Variants in OLFM1 observed in about 807,000 individuals in gnomAD.
OLFM1 encodes the protein olfactomedin 1.
OLFM1 carries 9 observed loss-of-function variants against 49.7 expected under a neutral mutation model. The ratio of observed to expected loss-of-function variants is 0.18; its 90% confidence interval spans 0.11 to 0.32. OLFM1 has a LOEUF of 0.32. Among genes scored for constraint, OLFM1 ranks in the 10% least tolerant of loss-of-function variants. The pLI, the probability that OLFM1 is intolerant of heterozygous loss-of-function variation, is 1.00. For missense variants in OLFM1, 369 were observed against 661.8 expected, an observed-to-expected ratio of 0.56 and a Z score of 4.85; for synonymous variants, 240 against 271.8, an observed-to-expected ratio of 0.88 and a Z score of 1.15.
At chr9:135,077,662 T>G (rs972939520) in intron 1 of OLFM1, among the ~76,000 whole-genome samples, 1 of 152,208 alleles carries the variant, frequency 6.6e-6, no homozygotes, top group Non-Finnish European at 1.5e-5. Context: ...TTTTCTTTGC[T>G]GGCCTGGCAT....
intron 1 of OLFM1, chr9:135,075,964 G>C (rs2119078107): frequency 1.6e-6 from 2 of 1,215,114 alleles, no homozygotes; most frequent in Non-Finnish European, 2.1e-6. Flanking sequence ...CGCTAGGCTG[G>C]ACCTGGGTGG....
intron 1 of OLFM1, among the ~76,000 whole-genome samples, chr9:135,089,050 C>T (rs1427641569): frequency 1.3e-5 from 2 of 152,178 alleles, no homozygotes; most frequent in East Asian, 1.9e-4. Context: ...AGGTGAAGGA[C>T]GTGAGTCTCC....
Position 135,098,109 on chromosome 9 carries a change from C to T in OLFM1, c.457-177C>T. 1 of 1,433,354 alleles carries T rather than the reference C, an allele frequency of 7.0e-7. No individual in the cohort carries two copies. The highest frequency in any genetic ancestry group is 9.1e-7 in the Non-Finnish European group (1 of 1,100,414). 88.8% of individuals were successfully genotyped at this position (1,433,354 alleles called of 1,614,324 possible). On this transcript the variant is annotated intron_variant, in intron 3 of 5. Coordinates refer to ENST00000371793, the MANE Select transcript of OLFM1 (RefSeq NM_001282611.2). This position sits in a 1 kb window ranked among gnomAD's most constrained non-coding sequence, Gnocchi z 5.6. ...ACAATAAAGACCTTTCCCAAATATG[C>T]TGGTGTTCTGAGGACTGTTTAATAT...
rs1413857341 is a variant in OLFM1, at chr9:135,080,044, T to A, written c.96+4242T>A. ...AGGGCAGACGAGAAGACCAGGGAGG[T>A]GATGCTGACTTAGGCTTTCAGAGAA... On this transcript the variant is annotated intron_variant, in intron 1 of 5. Coordinates refer to the OLFM1 transcript ENST00000252854. This position sits in a 1 kb window ranked among gnomAD's most constrained non-coding sequence, Gnocchi z 4.5. Among the ~76,000 whole-genome samples the A allele has an allele frequency of 6.6e-6, 1 of 151,498 alleles. No homozygotes were observed. The highest frequency in any genetic ancestry group is 1.5e-5 in the Non-Finnish European group (1 of 67,914).
At chr9:135,077,087 C>T in intron 1 of OLFM1, 1 of 1,550,590 alleles carries the variant, frequency 6.4e-7, no homozygotes, top group Non-Finnish European at 8.7e-7. Flanking sequence ...TTCTTGGCCC[C>T]AGGAAGGCCT....
Position 135,120,124 on chromosome 9 carries a change from C to T in OLFM1, c.1404C>T (p.His468=), listed in dbSNP as rs1831166964. ...CCCTGTATGCCTGGAACAACGGCCACCAGATCCTCTACAACGTGACCCTCT... is the reference window on the plus strand; with the variant it reads ...CCCTGTATGCCTGGAACAACGGCCATCAGATCCTCTACAACGTGACCCTCT... ...DRALYAWNNG[H]QILYNVTLFH... Residue 468 remains histidine, a synonymous_variant, in exon 6 of 6, where the codon CAC becomes CAT. Transcript: ENST00000371793. The T allele has an allele frequency of 6.2e-7, 1 of 1,614,038 alleles. No individual in the cohort carries two copies. The highest frequency in any genetic ancestry group is 8.5e-7 in the Non-Finnish European group (1 of 1,179,994).
intron 5 of OLFM1, among the ~76,000 whole-genome samples, chr9:135,114,123 CTTTTTTTT>C (rs138372395): frequency 0.063 from 4,811 of 75,850 alleles, 287 homozygotes; most frequent in African/African-American, 0.23. Flanking sequence ...TCTTGAGATT[CTTTTTTTT>C]TTTTTTTTTT....
Position 135,119,724 on chromosome 9 carries a change from G to T in OLFM1, c.1004G>T (p.Ser335Ile). ...ACAGAGACCATCCTCAAGACCCGCA[G>T]CCTGGACTATGCCGGTTACAACAAC... ...LKTETILKTR[S>I]LDYAGYNNMY... Residue 335 changes from serine (S) to isoleucine (I), a missense_variant, in exon 6 of 6, where the codon AGC becomes ATC. By Grantham distance (142) the Ser-to-Ile change is moderately radical. Around this residue, in one of 3 missense-constraint regions of OLFM1, gnomAD observed 294 missense variants for 567.5 expected, o/e 0.52. Coordinates refer to ENST00000371793, the MANE Select transcript of OLFM1 (RefSeq NM_001282611.2). 1 of 1,614,128 alleles carries T rather than the reference G, an allele frequency of 6.2e-7. No homozygotes were observed. Among genetic ancestry groups the T allele is most frequent in the Non-Finnish European group, 8.5e-7 (1 of 1,180,054 alleles).
At chr9:135,083,078 C>T (rs1035987842), upstream of OLFM1, among the ~76,000 whole-genome samples, 1 of 152,208 alleles carries the variant, frequency 6.6e-6, no homozygotes, top group Non-Finnish European at 1.5e-5. Context: ...ATGTCAGGAT[C>T]AATGACTGAT....
intron 5 of OLFM1, among the ~76,000 whole-genome samples, chr9:135,115,638 C>T (rs1831086735): frequency 6.6e-6 from 1 of 152,230 alleles, no homozygotes; most frequent in African/African-American, 2.4e-5. Flanking sequence ...GCAGCACTTT[C>T]CCCACTTCCC....
intron 5 of OLFM1, among the ~76,000 whole-genome samples, chr9:135,108,362 A>G (rs148917855): frequency 0.016 from 2,457 of 152,290 alleles, 25 homozygotes; most frequent in Non-Finnish European, 0.024. Flanking sequence ...GCCCGGGCAC[A>G]GTGGCTCACA....
Position 135,088,383 on chromosome 9 carries a change from C to T in OLFM1, c.150+244C>T, listed in dbSNP as rs1026073587. Among the ~76,000 whole-genome samples, 2 of 151,694 alleles carry T rather than the reference C, an allele frequency of 1.3e-5. No homozygotes were observed. The highest frequency in any genetic ancestry group is 4.8e-5 in the African/African-American group (2 of 41,322). On this transcript the variant is annotated intron_variant, in intron 1 of 5. Transcript: ENST00000371793. This position sits in a 1 kb window ranked among gnomAD's most constrained non-coding sequence, Gnocchi z 4.8. The stretch of plus-strand genomic sequence containing the variant: ...CGCGCCCCTGGGGCGGCGTTTCCTT[C>T]GTCTGGGCCCCTCGCCGCGGGGCCG...
upstream of OLFM1, chr9:135,087,396 AGGGCCGCGGGCCGT>A: frequency 1.3e-6 from 2 of 1,546,584 alleles, no homozygotes; most frequent in Non-Finnish European, 1.7e-6. Context: ...CCGGGACGGG[AGGGCCGCGGGCCGT>A]GCCCCCAGCT....
At chr9:135,086,248 C>T (rs976284438), upstream of OLFM1, among the ~76,000 whole-genome samples, 1 of 152,226 alleles carries the variant, frequency 6.6e-6, no homozygotes, top group Admixed American at 6.5e-5. Context: ...GGCGCCCTTC[C>T]CCAACAGTTG....
At chr9:135,077,724 T>C (rs936125806) in intron 1 of OLFM1, among the ~76,000 whole-genome samples, 10 of 152,230 alleles carry the variant, frequency 6.6e-5, no homozygotes, top group African/African-American at 1.9e-4. Flanking sequence ...ATGTGTCCCT[T>C]GACTCAGCCA....
chr9:135,087,156 C>T (rs1830608320), upstream of OLFM1: 3 of 1,283,026 alleles, frequency 2.3e-6, no homozygotes, highest in Non-Finnish European at 3.1e-6. Context: ...CACCGATGCC[C>T]CGACGCCCCC....
chr9:135,109,674 A>G (rs1348734557), intron 5 of OLFM1, among the ~76,000 whole-genome samples: 1 of 151,968 alleles, frequency 6.6e-6, no homozygotes, highest in African/African-American at 2.4e-5. Context: ...CCAATCTCCC[A>G]TTCAGTTTTG....
At chr9:135,114,123 CTTTTTTTTTTTTTTTT>C (rs138372395) in intron 5 of OLFM1, among the ~76,000 whole-genome samples, 8 of 75,812 alleles carry the variant, frequency 1.1e-4, no homozygotes, top group Non-Finnish European at 1.8e-4. Context: ...TCTTGAGATT[CTTTTTTTTTTTTTTTT>C]TTTTTTTTTT....
chr9:135,101,716 G>A (rs1338431883), intron 4 of OLFM1, among the ~76,000 whole-genome samples: 1 of 152,202 alleles, frequency 6.6e-6, no homozygotes, highest in Non-Finnish European at 1.5e-5. Context: ...CCTCTCTCCA[G>A]GGGAGCCTGC....
Sources: gnomAD v4.1 joint callset for allele counts (sites outside exome capture counted in the v4.1 genomes callset) on GRCh38, gnomAD v4.1.1 for gene constraint, gnomAD v4.1.1 regional missense constraint, Gnocchi (gnomAD v3.1) non-coding constraint, MANE v1.5 for transcripts, NCBI Gene and HGNC (gene_info 2026-07-23, HGNC 2026-07-21) for gene names.